PARD3B: variants seen among roughly 807,000 people sequenced by gnomAD.
PARD3B encodes par-3 family cell polarity regulator beta.
In PARD3B, 103 loss-of-function variants were observed where a neutral mutation model predicts 130.2. The observed-to-expected ratio is 0.79, with a 90% CI of 0.67 to 0.93. The LOEUF (loss-of-function observed/expected upper bound fraction) is 0.93. Among genes scored for constraint, PARD3B ranks in the 40% least tolerant of loss-of-function variants. The pLI is 0.00. For missense variants in PARD3B, 1,609 were observed against 1,499.2 expected (o/e 1.07, Z -1.21); for synonymous variants, 583 against 553.2 (o/e 1.05, Z -0.76).
chr2:205,385,843 A>G (rs545450173), intron 18 of PARD3B, among the ~76,000 whole-genome samples: 1 of 152,256 alleles, frequency 6.6e-6, no homozygotes, highest in East Asian at 1.9e-4. Context: ...GTATACCAAT[A>G]CTTTGCAAAT....
chr2:205,041,703 A>C (rs941777715), intron 3 of PARD3B, among the ~76,000 whole-genome samples: 1 of 152,048 alleles, frequency 6.6e-6, no homozygotes, highest in East Asian at 1.9e-4. Context: ...CCTTCTGGTT[A>C]TGCTCAGGAG....
chr2:205,113,639 T>C (rs1201452556), intron 6 of PARD3B, 62 bp downstream of exon 6: 33 of 975,678 alleles, frequency 3.4e-5, no homozygotes, highest in Non-Finnish European at 4.1e-5. Flanking sequence ...GAGCTCCTTT[T>C]CCCAAATATT....
chr2:205,306,181 G>A (rs887104223), intron 18 of PARD3B, among the ~76,000 whole-genome samples: 3 of 152,176 alleles, frequency 2.0e-5, no homozygotes, highest in Non-Finnish European at 2.9e-5. Flanking sequence ...AAAGGGCAAG[G>A]AAATGGATTC....
intron 15 of PARD3B, among the ~76,000 whole-genome samples, chr2:205,213,541 G>T (rs1214336628): frequency 6.6e-6 from 1 of 152,224 alleles, no homozygotes; most frequent in African/African-American, 2.4e-5. Context: ...GATTGATTTG[G>T]CTCATCTTAC....
Position 205,558,979 on chromosome 2 carries a change from T to C in PARD3B, c.3260+5576T>C, listed in dbSNP as rs949087211. Among the ~76,000 whole-genome samples the C allele has an allele frequency of 2.6e-5, 4 of 152,358 alleles. No homozygotes were observed. Among genetic ancestry groups the C allele is most frequent in the Middle Eastern group, 3.4e-3 (1 of 294 alleles). On this transcript the variant is annotated intron_variant, in intron 22 of 22. Transcript: ENST00000406610. The surrounding 1 kb of genome is among the most constrained non-coding windows in gnomAD (Gnocchi z 4.8). ...TTCCTTGAAATAAGAGACTTTGTTT[T>C]ATACCCATCATTTGTTACACCCAGA...
At chr2:205,311,235 A>G (rs2042376341) in intron 18 of PARD3B, among the ~76,000 whole-genome samples, 1 of 152,122 alleles carries the variant, frequency 6.6e-6, no homozygotes, top group African/African-American at 2.4e-5. Flanking sequence ...TAAATTTTTG[A>G]GTAACGGCCA....
intron 15 of PARD3B, among the ~76,000 whole-genome samples, chr2:205,224,927 A>AT (rs1188520255): frequency 1.3e-5 from 2 of 151,638 alleles, no homozygotes; most frequent in African/African-American, 4.8e-5. Context: ...TTTTTTTCCT[A>AT]TTTTTTATTA....
At position 204,906,488 on chromosome 2, in the gene PARD3B, G is replaced by C. The variant is rs1283086238; in HGVS notation, c.223-58664G>C. 6.6e-6 allele frequency among the ~76,000 whole-genome samples: 1 copy of C among 152,150 alleles called. No homozygotes were observed. The highest frequency in any genetic ancestry group is 1.9e-4 in the East Asian group (1 of 5,184). On this transcript the variant is annotated intron_variant, in intron 2 of 22. Coordinates refer to ENST00000406610, the MANE Select transcript of PARD3B (RefSeq NM_001302769.2). This position sits in a 1 kb window ranked among gnomAD's most constrained non-coding sequence, Gnocchi z 4.3. The stretch of plus-strand genomic sequence containing the variant: ...GTGCCAGTTATATATATGGGCAGTA[G>C]ACCTTATTATTAACTAGAGAACACA...
chr2:204,660,686 T>G (rs977927734), intron 1 of PARD3B, among the ~76,000 whole-genome samples: 9 of 152,176 alleles, frequency 5.9e-5, no homozygotes, highest in African/African-American at 2.2e-4. Context: ...TTAAAGAAGT[T>G]ACTACTCTTC....
chr2:204,607,258 A>G (rs2033756727), intron 1 of PARD3B, among the ~76,000 whole-genome samples: 2 of 152,182 alleles, frequency 1.3e-5, no homozygotes, highest in South Asian at 4.1e-4. Flanking sequence ...GAATGATTAC[A>G]TTTACTTAAC....
intron 3 of PARD3B, among the ~76,000 whole-genome samples, chr2:205,034,943 G>A (rs750736359): frequency 5.3e-5 from 8 of 152,002 alleles, no homozygotes; most frequent in Non-Finnish European, 1.0e-4. Context: ...TGCAACCTCC[G>A]CCACCTGAGT....
rs193129327 is a variant in PARD3B at position 205,346,385 on chromosome 2, C to T, written c.2630+44684C>T. Among the ~76,000 whole-genome samples the T allele has an allele frequency of 3.5e-3, 534 of 151,932 alleles. 2 individuals are homozygous for T. Among genetic ancestry groups the T allele is most frequent in the African/African-American group, 0.01 (433 of 41,462 alleles). ...CCTCCTTGCCTCCCCACAGCTGAGGCTCAGGTGTTATTTAGTATTGTGATT... is the reference window on the plus strand; with the variant it reads ...CCTCCTTGCCTCCCCACAGCTGAGGTTCAGGTGTTATTTAGTATTGTGATT... On this transcript the variant is annotated intron_variant, in intron 18 of 22. Coordinates refer to ENST00000406610, the MANE Select transcript of PARD3B (RefSeq NM_001302769.2).
intron 20 of PARD3B, among the ~76,000 whole-genome samples, chr2:205,450,761 C>T (rs2106194227): frequency 6.6e-6 from 1 of 152,284 alleles, no homozygotes; most frequent in African/African-American, 2.4e-5. Flanking sequence ...CAGGCATGAG[C>T]CACTGCACCC....
intron 2 of PARD3B, among the ~76,000 whole-genome samples, chr2:204,774,399 G>T (rs1490443742): frequency 1.3e-5 from 2 of 152,020 alleles, no homozygotes; most frequent in Non-Finnish European, 2.9e-5. Flanking sequence ...AACTAAGGCT[G>T]AACAGGCGTA....
intron 1 of PARD3B, among the ~76,000 whole-genome samples, chr2:204,561,467 G>T (rs2031304067): frequency 6.6e-6 from 1 of 152,108 alleles, no homozygotes. Flanking sequence ...GTTAGGGTCG[G>T]CCATTGGGGA....
At chr2:205,235,579 C>G (rs1223291710) in intron 15 of PARD3B, among the ~76,000 whole-genome samples, 1 of 152,064 alleles carries the variant, frequency 6.6e-6, no homozygotes. Flanking sequence ...GATCTGATAA[C>G]CAAAATGCTT....
At chr2:204,643,735 C>T (rs1214138527) in intron 1 of PARD3B, among the ~76,000 whole-genome samples, 3 of 152,062 alleles carry the variant, frequency 2.0e-5, no homozygotes, top group Non-Finnish European at 4.4e-5. Flanking sequence ...AAAGATTGGA[C>T]ACCCCTCTTA....
intron 11 of PARD3B, 136 bp from the exon 12 acceptor site, chr2:205,172,075 A>G: frequency 2.5e-6 from 2 of 809,372 alleles, no homozygotes. Context: ...TCTGCCATGG[A>G]AAATAAATCA....
chr2:205,491,254 G>C (rs2049695104), intron 20 of PARD3B, among the ~76,000 whole-genome samples: 1 of 152,182 alleles, frequency 6.6e-6, no homozygotes, highest in African/African-American at 2.4e-5. Flanking sequence ...TAACATTTAA[G>C]TCTTTAATCC....
Sources: gnomAD v4.1 joint callset for allele counts (sites outside exome capture counted in the v4.1 genomes callset) on GRCh38, gnomAD v4.1.1 for gene constraint, Gnocchi (gnomAD v3.1) non-coding constraint, MANE v1.5 for transcripts, NCBI Gene and HGNC (gene_info 2026-07-23, HGNC 2026-07-21) for gene names.